RAI14: variants seen among roughly 807,000 people sequenced by gnomAD.
RAI14 encodes ankycorbin.
In RAI14, 45 loss-of-function variants were observed where a neutral mutation model predicts 115.4. That is an observed-to-expected ratio of 0.39 (90% confidence interval 0.31 to 0.50). The LOEUF is 0.50. Ranked by LOEUF, RAI14 falls within the 20% of genes least tolerant of loss-of-function variation. The probability of loss-of-function intolerance (pLI) is 0.85; values close to 1 mark genes in which losing one functional copy is unlikely to be tolerated. For missense variants in RAI14, 939 were observed against 1,131.2 expected (o/e 0.83, Z 2.44); for synonymous variants, 371 against 415.4 (o/e 0.89, Z 1.30).
intron 1 of RAI14, among the ~76,000 whole-genome samples, chr5:34,682,083 G>A (rs1216850225): frequency 1.3e-5 from 2 of 151,918 alleles, no homozygotes; most frequent in Admixed American, 6.6e-5. Flanking sequence ...TTGAACTTCC[G>A]ACCTCAAATG....
chr5:34,815,620 G>A (rs149742647), intron 12 of RAI14, among the ~76,000 whole-genome samples: 359 of 152,274 alleles, frequency 2.4e-3, no homozygotes, highest in South Asian at 0.015. Flanking sequence ...ACCCATAGAA[G>A]CAGAGAGTAG....
chr5:34,807,903 C>A (rs904173886), intron 6 of RAI14, 46 bp downstream of exon 6: 2 of 1,472,812 alleles, frequency 1.4e-6, no homozygotes, highest in Non-Finnish European at 1.9e-6. Flanking sequence ...TTAGAAACAC[C>A]AACTTTTCTT....
intron 2 of RAI14, among the ~76,000 whole-genome samples, chr5:34,703,706 G>A (rs376298928): frequency 7.9e-5 from 12 of 152,276 alleles, no homozygotes; most frequent in African/African-American, 2.9e-4. Context: ...ATATTGGTAG[G>A]CCTTGCAAGG....
intron 1 of RAI14, among the ~76,000 whole-genome samples, chr5:34,680,458 T>A (rs181549665): frequency 6.6e-6 from 1 of 152,326 alleles, no homozygotes; most frequent in South Asian, 2.1e-4. Context: ...TAATAAAGCA[T>A]GAATCCATTC....
intron 3 of RAI14, among the ~76,000 whole-genome samples, chr5:34,773,086 C>G (rs1158864228): frequency 6.6e-6 from 1 of 152,060 alleles, no homozygotes. Context: ...TGGAACATAT[C>G]CATAAAATTG....
intron 3 of RAI14, among the ~76,000 whole-genome samples, chr5:34,763,096 G>A (rs1748898516): frequency 6.6e-6 from 1 of 152,184 alleles, no homozygotes; most frequent in Non-Finnish European, 1.5e-5. Flanking sequence ...TAAAGTGGGA[G>A]AGGCAGGCCT....
intron 7 of RAI14, 24 bp from the exon 8 acceptor site, chr5:34,810,988 T>A: frequency 2.5e-6 from 4 of 1,610,328 alleles, no homozygotes; most frequent in Non-Finnish European, 3.4e-6. Context: ...TGAGGTAAAA[T>A]CTAAATCTGA....
chr5:34,676,475 T>C (rs79807182), intron 1 of RAI14, among the ~76,000 whole-genome samples: 5,145 of 152,274 alleles, frequency 0.034, 292 homozygotes, highest in African/African-American at 0.12. Context: ...AGGTAGCTTG[T>C]TTTGATTAAG....
intron 3 of RAI14, among the ~76,000 whole-genome samples, chr5:34,774,039 TCCA>T (rs1750522618): frequency 1.3e-5 from 2 of 152,030 alleles, no homozygotes; most frequent in Admixed American, 6.6e-5. Flanking sequence ...AACCAAAGAC[TCCA>T]CCACAAAACT....
At chr5:34,757,693 T>A in intron 3 of RAI14, 95 bp downstream of exon 3, 1 of 1,417,214 alleles carries the variant, frequency 7.1e-7, no homozygotes, top group Non-Finnish European at 9.4e-7. Context: ...TCACACGTGC[T>A]CCCTCTCCAC....
chr5:34,817,830 G>C (rs923586477), intron 12 of RAI14, among the ~76,000 whole-genome samples: 9 of 152,160 alleles, frequency 5.9e-5, no homozygotes, highest in Non-Finnish European at 1.3e-4. Context: ...GGCAAGGACT[G>C]GTTGTAATGA....
intron 2 of RAI14, chr5:34,716,346 T>C: frequency 5.1e-6 from 1 of 197,460 alleles, no homozygotes; most frequent in South Asian, 7.8e-5. Context: ...GAAAAGATGC[T>C]GAGGAAAGTC....
intron 1 of RAI14, among the ~76,000 whole-genome samples, chr5:34,680,130 C>T (rs1288996844): frequency 6.6e-6 from 1 of 152,184 alleles, no homozygotes; most frequent in Non-Finnish European, 1.5e-5. Flanking sequence ...GTTCTTGAAT[C>T]TCTCACTCAC....
chr5:34,750,371 G>A lies in RAI14; in HGVS notation c.37-7097G>A, dbSNP rs143467900. Among the ~76,000 whole-genome samples the A allele has an allele frequency of 3.5e-3, 531 of 152,238 alleles. 5 individuals are homozygous for A. Among genetic ancestry groups the A allele is most frequent in the Non-Finnish European group, 4.6e-3 (312 of 68,010 alleles). On this transcript the variant is annotated intron_variant, in intron 2 of 17. Coordinates refer to ENST00000265109, the MANE Select transcript of RAI14 (RefSeq NM_015577.3). Reference sequence around the variant, plus strand: ...GAAATCATATGCAAGTTTTTGTGTGGATGTGCATTATTCTGAGGAATGTCT... The same window carrying A: ...GAAATCATATGCAAGTTTTTGTGTGAATGTGCATTATTCTGAGGAATGTCT...
chr5:34,764,631 A>G (rs965916681), intron 3 of RAI14, among the ~76,000 whole-genome samples: 5 of 152,118 alleles, frequency 3.3e-5, no homozygotes, highest in Admixed American at 3.3e-4. Context: ...TACACAAAAT[A>G]GAATTGCAAT....
At position 34,822,664 on chromosome 5, in the gene RAI14, CTTTTTTTTTTTTTTTTTTTT is replaced by C. The variant is rs143092935; in HGVS notation, c.1114-274_1114-255del. 9.5e-3 allele frequency among the ~76,000 whole-genome samples: 454 copies of C among 47,574 alleles called. 2 individuals are homozygous for C. Among genetic ancestry groups the C allele is most frequent in the African/African-American group, 0.029 (442 of 15,162 alleles). 31.2% of individuals were successfully genotyped at this position (47,574 alleles called of 152,430 possible). A position where few individuals can be genotyped will look rare whatever the true frequency, so the allele number is the denominator to read the frequency against. ...GCTTAGCTAACCACGCCTTTGGTAT[CTTTTTTTTTTTTTTTTTTTT>C]TTTTTTTTTTTTTTTTTGAGACGGA... On this transcript the variant is annotated intron_variant, in intron 14 of 17. Transcript: ENST00000265109.
chr5:34,723,468 G>T (rs892884934), intron 2 of RAI14, among the ~76,000 whole-genome samples: 1 of 152,132 alleles, frequency 6.6e-6, no homozygotes, highest in Non-Finnish European at 1.5e-5. Flanking sequence ...TGAAGCCCAC[G>T]TACATTATGG....
At chr5:34,772,876 A>C (rs1750355709) in intron 3 of RAI14, among the ~76,000 whole-genome samples, 1 of 152,206 alleles carries the variant, frequency 6.6e-6, no homozygotes, top group Non-Finnish European at 1.5e-5. Flanking sequence ...AAACCTTGGA[A>C]TCTTTCCAAG....
At chr5:34,746,717 C>T (rs1746274755) in intron 2 of RAI14, among the ~76,000 whole-genome samples, 3 of 152,052 alleles carry the variant, frequency 2.0e-5, no homozygotes, top group African/African-American at 7.2e-5. Context: ...TTTGCTTGCC[C>T]CAGTGTATGA....
Sources: gnomAD v4.1 joint callset for allele counts (sites outside exome capture counted in the v4.1 genomes callset) on GRCh38, gnomAD v4.1.1 for gene constraint, MANE v1.5 for transcripts, NCBI Gene and HGNC (gene_info 2026-07-23, HGNC 2026-07-21) for gene names.